FAM53A: variants seen among roughly 807,000 people sequenced by gnomAD.
The protein encoded by FAM53A is protein FAM53A.
FAM53A carries 28 observed loss-of-function variants against 26.6 expected under a neutral mutation model. The observed-to-expected ratio is 1.05, with a 90% confidence interval of 0.78 to 1.45. The LOEUF is 1.45. FAM53A is among the 40% of genes most tolerant of loss of function. FAM53A has a pLI of 0.00. For missense variants in FAM53A, 650 were observed against 575.8 expected (o/e 1.13, Z -1.32); for synonymous variants, 290 against 253.1 (o/e 1.15, Z -1.38).
intron 1 of FAM53A, among the ~76,000 whole-genome samples, chr4:1,674,668 CAAAAAAA>C (rs34285756): frequency 7.0e-6 from 1 of 143,606 alleles, no homozygotes; most frequent in Admixed American, 6.9e-5. Flanking sequence ...GACTCTGTCT[CAAAAAAA>C]AAAAAAAATT....
chr4:1,622,099 C>G (rs1219681734), intron 1 of FAM53A, among the ~76,000 whole-genome samples: 1 of 152,220 alleles, frequency 6.6e-6, no homozygotes, highest in Non-Finnish European at 1.5e-5. Flanking sequence ...CCAGATGCGG[C>G]TGCGCAATCT....
downstream of FAM53A, among the ~76,000 whole-genome samples, chr4:1,636,931 C>G (rs1293380063): frequency 1.3e-5 from 2 of 152,158 alleles, no homozygotes; most frequent in Admixed American, 6.5e-5. Context: ...GGTGCCCCTC[C>G]AGTGTTACCC....
Position 1,645,793 on chromosome 4 carries a change from G to A in FAM53A, c.883-4186C>T, listed in dbSNP as rs115655525. Among the ~76,000 whole-genome samples, 382 of 152,342 alleles carry A rather than the reference G, an allele frequency of 2.5e-3. 2 individuals carry two copies. The highest frequency in any genetic ancestry group is 0.01 in the Middle Eastern group (3 of 294). On this transcript the variant is annotated intron_variant, in intron 4 of 4. Transcript: ENST00000308132. ...AGAAAACAAGCAAGAAAAATCAGCA[G>A]CTACAAATTCCAGATTTTCGGTCTG...
chr4:1,615,722 A>G (rs1018003267), downstream of FAM53A, among the ~76,000 whole-genome samples: 1 of 152,268 alleles, frequency 6.6e-6, no homozygotes, highest in African/African-American at 2.4e-5. Flanking sequence ...ATGTCCAAGA[A>G]TGACCACAAA....
upstream of FAM53A, among the ~76,000 whole-genome samples, chr4:1,684,819 G>A (rs140633558): frequency 3.1e-3 from 469 of 152,362 alleles, 1 homozygote; most frequent in Non-Finnish European, 5.1e-3. Context: ...CCTGCACAGT[G>A]TGAATTAGGC....
chr4:1,587,391 G>T, the FAM53A span, among the ~76,000 whole-genome samples: 1 of 152,066 alleles, frequency 6.6e-6, no homozygotes, highest in Non-Finnish European at 1.5e-5. Flanking sequence ...TCCCTTTCTG[G>T]CCGGGCACAG....
intron 2 of FAM53A, among the ~76,000 whole-genome samples, chr4:1,667,670 C>G (rs1052113741): frequency 1.3e-5 from 2 of 152,086 alleles, no homozygotes; most frequent in Admixed American, 6.5e-5. Flanking sequence ...TCCAAAGGCC[C>G]GAGACCCACA....
chr4:1,681,687 A>T (rs1715452235), intron 1 of FAM53A, among the ~76,000 whole-genome samples: 1 of 151,674 alleles, frequency 6.6e-6, no homozygotes, highest in Non-Finnish European at 1.5e-5. Context: ...TTTTTTGTAG[A>T]AATGGGGGTC....
intron 1 of FAM53A, among the ~76,000 whole-genome samples, chr4:1,625,418 C>T (rs1211232721): frequency 3.2e-5 from 2 of 63,282 alleles, no homozygotes; most frequent in Non-Finnish European, 5.7e-5. Flanking sequence ...TCCCGACCCA[C>T]GTGGTCAGGG....
chr4:1,677,870 G>A (rs926737888), intron 1 of FAM53A, among the ~76,000 whole-genome samples: 5 of 152,194 alleles, frequency 3.3e-5, no homozygotes, highest in African/African-American at 7.2e-5. Context: ...GCTTGAATCC[G>A]GGAGGCAGAG....
chr4:1,604,150 G>A, the FAM53A span, among the ~76,000 whole-genome samples: 2 of 152,232 alleles, frequency 1.3e-5, no homozygotes, highest in Non-Finnish European at 2.9e-5. Context: ...CCGAGGAAAG[G>A]TTCTGCCCCC....
At chr4:1,636,365 G>C (rs747352713), downstream of FAM53A, among the ~76,000 whole-genome samples, 2 of 152,300 alleles carry the variant, frequency 1.3e-5, no homozygotes, top group South Asian at 2.1e-4. Context: ...TAACCACCAA[G>C]AGGATTACGA....
intron 4 of FAM53A, among the ~76,000 whole-genome samples, chr4:1,651,985 G>GCACACCTCACACACACACCA (rs1560157452): frequency 7.9e-6 from 1 of 127,058 alleles, no homozygotes; most frequent in Non-Finnish European, 1.7e-5. Flanking sequence ...CACACCACAC[G>GCACACCTCACACACACACCA]CACACCTCAC....
chr4:1,582,389 C>A, the FAM53A span, among the ~76,000 whole-genome samples: 2 of 152,204 alleles, frequency 1.3e-5, no homozygotes, highest in East Asian at 3.9e-4. Flanking sequence ...TCACCACCAC[C>A]CCGCGGGGAA....
chr4:1,601,670 AT>A, the FAM53A span, among the ~76,000 whole-genome samples: 2 of 109,234 alleles, frequency 1.8e-5, 1 homozygote, highest in Non-Finnish European at 4.4e-5. Flanking sequence ...AGGATCACCC[AT>A]TCCCCAGGAG....
chr4:1,636,247 C>T (rs1293591187), downstream of FAM53A, among the ~76,000 whole-genome samples: 1 of 152,158 alleles, frequency 6.6e-6, no homozygotes, highest in Non-Finnish European at 1.5e-5. Context: ...TGTGATTTCC[C>T]AGCTGGGTGA....
Position 1,675,906 on chromosome 4 carries a change from G to A in FAM53A, c.-164-7001C>T, listed in dbSNP as rs375102346. On this transcript the variant is annotated intron_variant, in intron 1 of 4. Coordinates refer to ENST00000308132, the MANE Select transcript of FAM53A (RefSeq NM_001174070.3). ...GGAGCTCCACGGGGGCAGCAGGGAC[G>A]AGCCCCCACCACAGGCAGTGCCTCA... Among the ~76,000 whole-genome samples, 118 of 152,308 alleles carry A rather than the reference G, an allele frequency of 7.7e-4. 1 individual carries two copies. The highest frequency in any genetic ancestry group is 2.7e-3 in the African/African-American group (114 of 41,564).
At chr4:1,677,101 T>C (rs1460404605) in intron 1 of FAM53A, among the ~76,000 whole-genome samples, 1 of 152,164 alleles carries the variant, frequency 6.6e-6, no homozygotes, top group Non-Finnish European at 1.5e-5. Context: ...CCCCTCATCT[T>C]GCAGCTTCCT....
At chr4:1,614,983 C>CT (rs1365219883), downstream of FAM53A, among the ~76,000 whole-genome samples, 1 of 152,216 alleles carries the variant, frequency 6.6e-6, no homozygotes, top group Non-Finnish European at 1.5e-5. Flanking sequence ...AGAGCAAAAA[C>CT]ATGGCACACG....
Sources: allele counts gnomAD v4.1 joint callset (sites outside exome capture counted in the v4.1 genomes callset), GRCh38; gene constraint gnomAD v4.1.1; transcripts MANE v1.5; gene names NCBI Gene and HGNC (gene_info 2026-07-23, HGNC 2026-07-21).